The following DLG2 variants were observed in gnomAD, a reference collection of about 807,000 sequenced individuals.
The protein encoded by DLG2 is discs large MAGUK scaffold protein 2, also known as disks large homolog 2.
Under a neutral mutation model 132.5 loss-of-function variants are expected in DLG2, and 45 were observed. The ratio of observed to expected loss-of-function variants is 0.34; its 90% confidence interval spans 0.27 to 0.44. The LOEUF (loss-of-function observed/expected upper bound fraction) is 0.44, where lower values mean the gene tolerates loss of function less well. Among genes scored for constraint, DLG2 ranks in the 20% least tolerant of loss-of-function variants. The pLI is 1.00. For missense variants in DLG2, 1,045 were observed against 1,196.9 expected (o/e 0.87, Z 1.87); for synonymous variants, 424 against 419.6 (o/e 1.01, Z -0.13).
At chr11:85,595,979 G>A (rs1218786478) in intron 3 of DLG2, among the ~76,000 whole-genome samples, 1 of 152,106 alleles carries the variant, frequency 6.6e-6, no homozygotes, top group Non-Finnish European at 1.5e-5. Context: ...TCAGCTGGGG[G>A]CAGTGGCTCA....
chr11:84,167,145 A>T (rs182137664), intron 8 of DLG2: 222 of 389,920 alleles, frequency 5.7e-4, no homozygotes, highest in African/African-American at 4.5e-3. Flanking sequence ...AGTGTTTGAA[A>T]AATGTGTGTG....
chr11:84,941,527 CTGAT>C (rs984510098), intron 6 of DLG2, among the ~76,000 whole-genome samples: 13 of 152,100 alleles, frequency 8.5e-5, no homozygotes, highest in Admixed American at 3.3e-4. Context: ...ATGTATCACA[CTGAT>C]TGATTTGCAT....
At chr11:84,840,964 T>C (rs1193939195) in intron 6 of DLG2, among the ~76,000 whole-genome samples, 4 of 150,024 alleles carry the variant, frequency 2.7e-5, no homozygotes. Flanking sequence ...GTTGTGCTCA[T>C]GTACCTTTGA....
intron 6 of DLG2, among the ~76,000 whole-genome samples, chr11:84,673,625 A>T (rs926218817): frequency 4.0e-5 from 6 of 151,210 alleles, no homozygotes; most frequent in East Asian, 1.9e-4. Context: ...AAATTAAAAT[A>T]AATAAATAAA....
intron 6 of DLG2, among the ~76,000 whole-genome samples, chr11:85,054,855 A>T (rs1238301108): frequency 1.3e-5 from 2 of 152,146 alleles, no homozygotes; most frequent in African/African-American, 4.8e-5. Flanking sequence ...GACACTGAGG[A>T]CTACTAGACA....
chr11:85,050,653 C>T (rs2062803425), intron 6 of DLG2, among the ~76,000 whole-genome samples: 1 of 152,010 alleles, frequency 6.6e-6, no homozygotes, highest in Admixed American at 6.6e-5. Flanking sequence ...TCAGAGAAGG[C>T]TGGTTTAAGA....
At chr11:83,885,209 G>C (rs886395837) in intron 15 of DLG2, among the ~76,000 whole-genome samples, 7 of 152,166 alleles carry the variant, frequency 4.6e-5, no homozygotes, top group African/African-American at 1.7e-4. Context: ...AAAAAATTTA[G>C]ACGAATGTAT....
chr11:84,410,331 C>T (rs78139230), intron 7 of DLG2, among the ~76,000 whole-genome samples: 5,467 of 152,046 alleles, frequency 0.036, 302 homozygotes, highest in African/African-American at 0.11. Context: ...GGCTTCAACC[C>T]CACTCCCCAT....
At chr11:83,625,618 A>C (rs945626398) in intron 19 of DLG2, among the ~76,000 whole-genome samples, 4 of 152,200 alleles carry the variant, frequency 2.6e-5, no homozygotes, top group African/African-American at 9.7e-5. Context: ...CTTAGTTCCC[A>C]GGAATAGAAC....
At chr11:83,465,801 CTT>C (rs1350271062) in intron 26 of DLG2, among the ~76,000 whole-genome samples, 2 of 152,176 alleles carry the variant, frequency 1.3e-5, no homozygotes, top group Non-Finnish European at 2.9e-5. Flanking sequence ...GGAGCTAAAT[CTT>C]AGAAAGGTCA....
At chr11:83,799,828 A>T (rs2043867566) in intron 17 of DLG2, among the ~76,000 whole-genome samples, 1 of 152,174 alleles carries the variant, frequency 6.6e-6, no homozygotes, top group South Asian at 2.1e-4. Context: ...TATCTACCTG[A>T]AGCTTAGAGA....
At chr11:85,116,007 C>G (rs1166427077) in intron 5 of DLG2, among the ~76,000 whole-genome samples, 2 of 151,880 alleles carry the variant, frequency 1.3e-5, no homozygotes, top group Non-Finnish European at 2.9e-5. Context: ...TGAGTTTAAT[C>G]TTTGAACAAG....
At chr11:84,687,421 A>AGAAT (rs2099739099) in intron 6 of DLG2, 1 of 152,200 alleles carries the variant, frequency 6.6e-6, no homozygotes, top group Non-Finnish European at 1.5e-5. Flanking sequence ...CAGCCTTGAT[A>AGAAT]GAATACCTTA....
chr11:83,772,450 G>A (rs543140700), intron 18 of DLG2, among the ~76,000 whole-genome samples: 1 of 142,260 alleles, frequency 7.0e-6, no homozygotes, highest in Admixed American at 7.1e-5. Context: ...AAAAGAGAAG[G>A]AGGGAGGGAG....
chr11:84,975,464 C>T (rs2054760193), intron 6 of DLG2, among the ~76,000 whole-genome samples: 1 of 152,100 alleles, frequency 6.6e-6, no homozygotes, highest in South Asian at 2.1e-4. Flanking sequence ...ATGCAATGCC[C>T]AGTACTTCAA....
chr11:84,650,857 G>T (rs1320408987), intron 6 of DLG2, among the ~76,000 whole-genome samples: 15 of 87,014 alleles, frequency 1.7e-4, no homozygotes, highest in African/African-American at 9.0e-4. Flanking sequence ...GTATGTGTGT[G>T]TGTGTGTGTG....
At chr11:84,338,764 C>T (rs190667197) in intron 7 of DLG2, among the ~76,000 whole-genome samples, 236 of 152,186 alleles carry the variant, frequency 1.6e-3, no homozygotes, top group African/African-American at 5.4e-3. Flanking sequence ...CAAGATGGCG[C>T]CACTGCACTC....
At chr11:84,736,991 T>C (rs1263415431) in intron 6 of DLG2, among the ~76,000 whole-genome samples, 1 of 152,026 alleles carries the variant, frequency 6.6e-6, no homozygotes, top group African/African-American at 2.4e-5. Context: ...TGATGTTAGC[T>C]ATAGGTTTTT....
intron 7 of DLG2, among the ~76,000 whole-genome samples, chr11:84,253,048 C>A (rs2097409971): frequency 6.6e-6 from 1 of 152,072 alleles, no homozygotes; most frequent in Non-Finnish European, 1.5e-5. Context: ...AAAACATAAC[C>A]TTGGCATACA....
Sources: gnomAD v4.1 joint callset for allele counts (sites outside exome capture counted in the v4.1 genomes callset) on GRCh38, gnomAD v4.1.1 for gene constraint, MANE v1.5 for transcripts, NCBI Gene and HGNC (gene_info 2026-07-23, HGNC 2026-07-21) for gene names.